The following CSMD1 variants were observed in gnomAD, a reference collection of about 807,000 sequenced individuals.
CSMD1 encodes the protein CUB and sushi domain-containing protein 1.
Under a neutral mutation model 417.5 loss-of-function variants are expected in CSMD1, and 213 were observed. The observed-to-expected ratio is 0.51, with a 90% CI of 0.46 to 0.57. CSMD1 has a LOEUF of 0.57. Ranked by LOEUF, CSMD1 falls within the 20% of genes least tolerant of loss-of-function variation. The pLI, the probability that CSMD1 is intolerant of heterozygous loss-of-function variation, is 0.00. For synonymous variants in CSMD1, 2,862 were observed against 1,736.8 expected, an observed-to-expected ratio of 1.65 and a Z score of -16.11; for missense variants, 6,923 against 4,529.7, an observed-to-expected ratio of 1.53 and a Z score of -15.17.
chr8:3,718,895 C>T (rs1201458460), intron 6 of CSMD1, among the ~76,000 whole-genome samples: 1 of 152,068 alleles, frequency 6.6e-6, no homozygotes, highest in Admixed American at 6.6e-5. Context: ...AGTGATCTAT[C>T]GGTTTACACC....
chr8:3,145,649 G>A (rs992516489), intron 40 of CSMD1, among the ~76,000 whole-genome samples: 2 of 152,128 alleles, frequency 1.3e-5, no homozygotes, highest in Non-Finnish European at 2.9e-5. Context: ...GCTCTAATCT[G>A]GCTTAAAATA....
chr8:3,459,199 T>C (rs1384425939), intron 12 of CSMD1, among the ~76,000 whole-genome samples: 2 of 152,182 alleles, frequency 1.3e-5, no homozygotes, highest in South Asian at 2.1e-4. Context: ...ACTTGCTCTG[T>C]GGTGGCTGCA....
At chr8:3,798,302 A>G (rs893350303) in intron 5 of CSMD1, among the ~76,000 whole-genome samples, 1 of 152,010 alleles carries the variant, frequency 6.6e-6, no homozygotes, top group Non-Finnish European at 1.5e-5. Flanking sequence ...TCTTAGGATT[A>G]GTGCTTCGTC....
At chr8:3,436,012 A>T (rs922365009) in intron 12 of CSMD1, among the ~76,000 whole-genome samples, 1 of 152,184 alleles carries the variant, frequency 6.6e-6, no homozygotes, top group Non-Finnish European at 1.5e-5. Context: ...GACACATCCC[A>T]GCTACCCAGG....
intron 3 of CSMD1, among the ~76,000 whole-genome samples, chr8:4,270,907 G>T (rs1031768625): frequency 6.6e-6 from 1 of 152,130 alleles, no homozygotes; most frequent in African/African-American, 2.4e-5. Context: ...AACTCAAGGT[G>T]CTGATCGCTG....
At position 3,177,304 on chromosome 8, in the gene CSMD1, G is replaced by A. The variant is rs189810260; in HGVS notation, c.5725+3806C>T. Among the ~76,000 whole-genome samples, 261 of 152,230 alleles carry A rather than the reference G, an allele frequency of 1.7e-3. 2 individuals are homozygous for A. The highest frequency in any genetic ancestry group is 5.5e-3 in the African/African-American group (227 of 41,540). Reference sequence around the variant, plus strand: ...TCAGGGGGCTATAAGAAAGCCTAGGGGCACAGCTGGAGGCCAGAAAGAGCT... The same window carrying A: ...TCAGGGGGCTATAAGAAAGCCTAGGAGCACAGCTGGAGGCCAGAAAGAGCT... On this transcript the variant is annotated intron_variant, in intron 37 of 69. Transcript: ENST00000635120.
intron 3 of CSMD1, among the ~76,000 whole-genome samples, chr8:4,164,822 G>A (rs1039318390): frequency 1.3e-5 from 2 of 151,736 alleles, no homozygotes; most frequent in Non-Finnish European, 2.9e-5. Flanking sequence ...CTTGCAGTGA[G>A]CTGACATTGT....
chr8:4,400,739 C>G (rs934887048), intron 3 of CSMD1, among the ~76,000 whole-genome samples: 7 of 146,660 alleles, frequency 4.8e-5, no homozygotes, highest in African/African-American at 1.8e-4. Context: ...GAGTTTCTCT[C>G]TAATAGAGTG....
At chr8:3,929,682 G>A (rs1206576624) in intron 5 of CSMD1, among the ~76,000 whole-genome samples, 1 of 146,600 alleles carries the variant, frequency 6.8e-6, no homozygotes, top group Non-Finnish European at 1.5e-5. Context: ...TTTTTTTTGA[G>A]ATGGAGTTTC....
At position 4,118,791 on chromosome 8, in the gene CSMD1, A is replaced by T. The variant is rs542169708; in HGVS notation, c.416-86692T>A. 7.9e-5 allele frequency among the ~76,000 whole-genome samples: 12 copies of T among 152,346 alleles called. No homozygotes were observed. In the East Asian group the frequency reaches 1.9e-3, roughly 24 times the overall value. ...CGTTCTACTATAAAGACACATGCACATGTATGTTTATTACAGCACTATTCA... is the reference window on the plus strand; with the variant it reads ...CGTTCTACTATAAAGACACATGCACTTGTATGTTTATTACAGCACTATTCA... On this transcript the variant is annotated intron_variant, in intron 3 of 69. Transcript: ENST00000635120.
Position 3,916,816 on chromosome 8 carries a change from G to A in CSMD1, c.818+81087C>T, listed in dbSNP as rs11994075. Among the ~76,000 whole-genome samples, 37 of 152,048 alleles carry A rather than the reference G, an allele frequency of 2.4e-4. 1 individual carries two copies. Among genetic ancestry groups the A allele is most frequent in the South Asian group, 2.1e-4 (1 of 4,820 alleles). On this transcript the variant is annotated intron_variant, in intron 5 of 69. Transcript: ENST00000635120. ...AAATAAGGCTGTGAAGATGGATTAT[G>A]GGGGGTGGTCTTAGATTGCTGCAGG... is the stretch of plus-strand genomic sequence containing the variant.
At chr8:4,562,121 G>T (rs537380404) in intron 2 of CSMD1, among the ~76,000 whole-genome samples, 1 of 152,176 alleles carries the variant, frequency 6.6e-6, no homozygotes, top group Non-Finnish European at 1.5e-5. Context: ...AAGAGTGTAG[G>T]AAAAGCTGCA....
intron 2 of CSMD1, among the ~76,000 whole-genome samples, chr8:4,450,894 A>C (rs981897517): frequency 6.6e-6 from 1 of 152,212 alleles, no homozygotes; most frequent in Non-Finnish European, 1.5e-5. Context: ...TTGCGCTAAT[A>C]TAAAAATTAA....
chr8:3,917,649 C>A (rs914066598), intron 5 of CSMD1, among the ~76,000 whole-genome samples: 2 of 151,886 alleles, frequency 1.3e-5, no homozygotes, highest in African/African-American at 4.8e-5. Context: ...TATTATGGTA[C>A]GACTAACATG....
At chr8:3,463,880 T>G (rs1455224556) in intron 12 of CSMD1, among the ~76,000 whole-genome samples, 2 of 151,942 alleles carry the variant, frequency 1.3e-5, no homozygotes, top group African/African-American at 4.8e-5. Context: ...CAGCCTCACT[T>G]CCCCCATACA....
intron 3 of CSMD1, among the ~76,000 whole-genome samples, chr8:4,344,169 T>C (rs573564961): frequency 3.9e-5 from 6 of 152,128 alleles, no homozygotes; most frequent in Non-Finnish European, 8.8e-5. Flanking sequence ...AATCTGCTTT[T>C]TCATATATTT....
intron 1 of CSMD1, among the ~76,000 whole-genome samples, chr8:4,670,578 A>G (rs1305033938): frequency 3.3e-5 from 5 of 152,206 alleles, no homozygotes; most frequent in South Asian, 2.1e-4. Context: ...AAAATAAAGC[A>G]CATCTTTGCT....
At position 3,936,852 on chromosome 8, in the gene CSMD1, G is replaced by A. The variant is rs562216482; in HGVS notation, c.818+61051C>T. On this transcript the variant is annotated intron_variant, in intron 5 of 69. Coordinates refer to ENST00000635120, the MANE Select transcript of CSMD1 (RefSeq NM_033225.6). ...TGCATGGAGAGTGAGTCCATTGATG[G>A]ATCTAGCTAGACAAGGTAAAACAAA... Among the ~76,000 whole-genome samples the A allele has an allele frequency of 2.6e-5, 4 of 152,274 alleles. No individual in the cohort carries two copies. In the East Asian group the frequency reaches 7.7e-4, roughly 29 times the overall value.
chr8:3,726,425 A>G (rs1462994571), intron 6 of CSMD1, among the ~76,000 whole-genome samples: 1 of 152,200 alleles, frequency 6.6e-6, no homozygotes, highest in East Asian at 1.9e-4. Context: ...ATGGAATGAG[A>G]TTGGTGACAA....
Sources: allele counts gnomAD v4.1 joint callset (sites outside exome capture counted in the v4.1 genomes callset), GRCh38; gene constraint gnomAD v4.1.1; transcripts MANE v1.5; gene names NCBI Gene and HGNC (gene_info 2026-07-23, HGNC 2026-07-21).